Variants in NTM observed in about 807,000 individuals in gnomAD.
NTM encodes IgLON family member 2.
NTM carries 13 observed loss-of-function variants against 42.1 expected under a neutral mutation model. The ratio of observed to expected loss-of-function variants is 0.31; its 90% CI spans 0.20 to 0.49. NTM has a LOEUF of 0.49. Among genes scored for constraint, NTM ranks in the 20% least tolerant of loss-of-function variants. The pLI is 0.99. For missense variants in NTM, 373 were observed against 452.8 expected (o/e 0.82, Z 1.60); for synonymous variants, 187 against 179.2 (o/e 1.04, Z -0.35).
intron 2 of NTM, among the ~76,000 whole-genome samples, chr11:131,953,172 G>A (rs552648265): frequency 1.8e-4 from 28 of 152,226 alleles, no homozygotes; most frequent in African/African-American, 6.5e-4. Context: ...GGGAAAGACC[G>A]GACCATCTGT....
At chr11:131,841,548 T>G (rs2044243618) in intron 1 of NTM, among the ~76,000 whole-genome samples, 1 of 152,236 alleles carries the variant, frequency 6.6e-6, no homozygotes, top group African/African-American at 2.4e-5. Flanking sequence ...GTCACATTTT[T>G]TTTTAACATT....
At chr11:131,657,212 C>A (rs760768930) in intron 1 of NTM, among the ~76,000 whole-genome samples, 1 of 151,546 alleles carries the variant, frequency 6.6e-6, no homozygotes, top group African/African-American at 2.4e-5. Context: ...GGCCCAGCAT[C>A]AAGCGCTGGC....
At chr11:131,418,931 T>G (rs1947229777) in intron 1 of NTM, among the ~76,000 whole-genome samples, 1 of 152,152 alleles carries the variant, frequency 6.6e-6, no homozygotes, top group Non-Finnish European at 1.5e-5. Flanking sequence ...CACCTATTGT[T>G]CTTTCATTGC....
At chr11:131,606,359 G>A (rs960683324) in intron 1 of NTM, among the ~76,000 whole-genome samples, 3 of 152,086 alleles carry the variant, frequency 2.0e-5, no homozygotes, top group Admixed American at 6.5e-5. Flanking sequence ...CCTGGCTGAC[G>A]GCTGTATTTT....
chr11:131,954,774 G>A (rs540604844), intron 2 of NTM, among the ~76,000 whole-genome samples: 6 of 151,870 alleles, frequency 4.0e-5, no homozygotes, highest in Admixed American at 2.0e-4. Context: ...TGCTTCTGTC[G>A]GTATTTTCTA....
At chr11:132,120,399 G>A (rs538668890) in intron 2 of NTM, among the ~76,000 whole-genome samples, 5 of 152,238 alleles carry the variant, frequency 3.3e-5, no homozygotes, top group South Asian at 2.1e-4. Context: ...CAGTTTACCC[G>A]ACTGAGTTTA....
At chr11:132,196,463 A>G (rs2080229078) in intron 3 of NTM, among the ~76,000 whole-genome samples, 1 of 152,120 alleles carries the variant, frequency 6.6e-6, no homozygotes, top group African/African-American at 2.4e-5. Context: ...AGGAAAAGAA[A>G]TTGTCCCACT....
chr11:132,182,441 C>G (rs10791217), intron 3 of NTM, among the ~76,000 whole-genome samples: 1 of 151,926 alleles, frequency 6.6e-6, no homozygotes, highest in East Asian at 1.9e-4. Flanking sequence ...AATCTCTCTA[C>G]GTGTCATGTA....
At chr11:131,932,853 G>T (rs953371677) in intron 2 of NTM, among the ~76,000 whole-genome samples, 3 of 152,180 alleles carry the variant, frequency 2.0e-5, no homozygotes, top group Admixed American at 2.0e-4. Flanking sequence ...CTTTGGAACC[G>T]AATTGAGTGG....
chr11:131,840,085 G>A (rs992896651), intron 1 of NTM, among the ~76,000 whole-genome samples: 1 of 152,150 alleles, frequency 6.6e-6, no homozygotes, highest in Non-Finnish European at 1.5e-5. Context: ...TGGTGTGTCT[G>A]TTAGACACAG....
At chr11:131,968,709 T>A (rs1194991133) in intron 2 of NTM, among the ~76,000 whole-genome samples, 1 of 152,256 alleles carries the variant, frequency 6.6e-6, no homozygotes, top group Non-Finnish European at 1.5e-5. Context: ...GGATATTTTA[T>A]ATCTAACAGG....
chr11:132,143,084 TCTGGTTTCC>T, intron 2 of NTM, among the ~76,000 whole-genome samples: 1 of 152,298 alleles, frequency 6.6e-6, no homozygotes, highest in South Asian at 2.1e-4. Flanking sequence ...GGACTCTGCT[TCTGGTTTCC>T]CTGAACATAT....
intron 1 of NTM, among the ~76,000 whole-genome samples, chr11:131,426,365 G>A (rs1328281273): frequency 1.3e-5 from 2 of 152,230 alleles, no homozygotes; most frequent in Non-Finnish European, 2.9e-5. Context: ...GGAAGCCAGT[G>A]CATCCCCACA....
At chr11:131,446,858 C>T (rs1172964234) in intron 1 of NTM, among the ~76,000 whole-genome samples, 1 of 152,212 alleles carries the variant, frequency 6.6e-6, no homozygotes, top group African/African-American at 2.4e-5. Flanking sequence ...TTCTAGGACA[C>T]ATGTCATCAT....
Position 132,067,843 on chromosome 11 carries a change from G to C in NTM, c.168-78439G>C, listed in dbSNP as rs182004890. Among the ~76,000 whole-genome samples, 183 of 152,230 alleles carry C rather than the reference G, an allele frequency of 1.2e-3. 1 individual carries two copies. The highest frequency in any genetic ancestry group is 4.3e-3 in the African/African-American group (179 of 41,548). On this transcript the variant is annotated intron_variant, in intron 2 of 8. Transcript: ENST00000683400. ...CATGTTTGCAACTTTGTAGTTTTATGAGCTTATTTTCTTTCTATGGAATTT... is the reference window on the plus strand; with the variant it reads ...CATGTTTGCAACTTTGTAGTTTTATCAGCTTATTTTCTTTCTATGGAATTT...
chr11:131,444,203 C>CAAAAAAAAAAAAAAAAA (rs71475757), intron 1 of NTM, among the ~76,000 whole-genome samples: 8 of 49,516 alleles, frequency 1.6e-4, no homozygotes, highest in Admixed American at 9.9e-4. Context: ...AGGTTAGAAC[C>CAAAAAAAAAAAAAAAAA]AAAAAAAAAA....
At chr11:131,862,887 A>G (rs1271232270) in intron 1 of NTM, among the ~76,000 whole-genome samples, 1 of 152,204 alleles carries the variant, frequency 6.6e-6, no homozygotes, top group African/African-American at 2.4e-5. Flanking sequence ...GCTATCCTCC[A>G]TGCCTCACAG....
At chr11:131,725,573 G>A (rs2078864606) in intron 1 of NTM, among the ~76,000 whole-genome samples, 1 of 152,148 alleles carries the variant, frequency 6.6e-6, no homozygotes, top group Non-Finnish European at 1.5e-5. Flanking sequence ...TGTTGAGTTA[G>A]AAGGAAAACT....
chr11:131,697,285 C>T (rs1287925930), intron 1 of NTM, among the ~76,000 whole-genome samples: 1 of 152,204 alleles, frequency 6.6e-6, no homozygotes, highest in Non-Finnish European at 1.5e-5. Flanking sequence ...TCTTGGAGAC[C>T]ACTGAGGGCT....
Sources: gnomAD v4.1 joint callset for allele counts (sites outside exome capture counted in the v4.1 genomes callset) on GRCh38, gnomAD v4.1.1 for gene constraint, MANE v1.5 for transcripts, NCBI Gene and HGNC (gene_info 2026-07-23, HGNC 2026-07-21) for gene names.